The following RAPGEF2 variants were observed in gnomAD, a reference collection of about 807,000 sequenced individuals.
The protein encoded by RAPGEF2 is Rap guanine nucleotide exchange factor 2.
RAPGEF2 carries 54 observed loss-of-function variants against 186.7 expected under a neutral mutation model. The observed-to-expected ratio is 0.29, with a 90% CI of 0.23 to 0.36. The LOEUF is 0.36. Ranked by LOEUF, RAPGEF2 falls within the 10% of genes least tolerant of loss-of-function variation. The pLI, the probability that RAPGEF2 is intolerant of heterozygous loss-of-function variation, is 1.00. For missense variants in RAPGEF2, 1,532 were observed against 2,045.0 expected (o/e 0.75, Z 4.84); for synonymous variants, 712 against 705.9 (o/e 1.01, Z -0.14).
At chr4:159,161,400 T>TA (rs1744688972) in intron 1 of RAPGEF2, among the ~76,000 whole-genome samples, 1 of 152,220 alleles carries the variant, frequency 6.6e-6, no homozygotes, top group Non-Finnish European at 1.5e-5. Flanking sequence ...TGCGAAGTGT[T>TA]ACTTAATTGA....
intron 1 of RAPGEF2, among the ~76,000 whole-genome samples, chr4:159,144,905 T>TTTTG (rs70962658): frequency 8.2e-5 from 7 of 85,658 alleles, no homozygotes; most frequent in Admixed American, 2.5e-4. Flanking sequence ...TTTTTTTTTT[T>TTTTG]GAGACAGTGT....
At chr4:159,304,272 T>A in intron 7 of RAPGEF2, 70 bp from the exon 8 acceptor site, 1 of 1,394,138 alleles carries the variant, frequency 7.2e-7, no homozygotes, top group Non-Finnish European at 9.8e-7. Context: ...TATGATATTT[T>A]AATTTTAAAA....
rs1737419346 is a variant in RAPGEF2 at position 159,103,567 on chromosome 4, G to T, written c.-596G>T. 1.3e-5 allele frequency: 2 copies of T among 153,420 alleles called. No homozygotes were observed. The highest frequency in any genetic ancestry group is 1.8e-4 in the South Asian group (1 of 5,604). The allele number at this position is 153,420 out of a possible 1,614,324, so 9.5% of individuals were successfully genotyped here. ...CTTCGCAGCGCCCGGACCTGAGCCA[G>T]ACCCACCTGGTCCGTCCTCCCGACC... is the stretch of plus-strand genomic sequence containing the variant. On this transcript the variant is annotated 5_prime_UTR_variant, in exon 1 of 30. Coordinates refer to ENST00000691494, the MANE Select transcript of RAPGEF2 (RefSeq NM_001394067.2).
At chr4:159,181,880 C>T (rs527668319) in intron 1 of RAPGEF2, among the ~76,000 whole-genome samples, 21 of 152,250 alleles carry the variant, frequency 1.4e-4, no homozygotes, top group African/African-American at 5.1e-4. Flanking sequence ...CTTCAAGTAA[C>T]ATACAAATTC....
At chr4:159,115,807 C>A (rs1231881162) in intron 1 of RAPGEF2, among the ~76,000 whole-genome samples, 1 of 152,106 alleles carries the variant, frequency 6.6e-6, no homozygotes, top group Non-Finnish European at 1.5e-5. Context: ...TGATCTTTGA[C>A]AAACCTGACA....
At chr4:159,201,949 A>G (rs1395440057) in intron 3 of RAPGEF2, among the ~76,000 whole-genome samples, 1 of 152,098 alleles carries the variant, frequency 6.6e-6, no homozygotes, top group African/African-American at 2.4e-5. Flanking sequence ...TTTTCTCCAG[A>G]TGCCAACAGC....
chr4:159,320,203 T>A (rs554892431), intron 9 of RAPGEF2, among the ~76,000 whole-genome samples: 1 of 152,268 alleles, frequency 6.6e-6, no homozygotes, highest in Non-Finnish European at 1.5e-5. Context: ...GGGATGTGCT[T>A]CAGAGGACCA....
chr4:159,356,171 A>G lies in RAPGEF2; in HGVS notation c.4957+13A>G. On this transcript the variant is annotated intron_variant, in intron 29 of 29. Coordinates refer to ENST00000691494, the MANE Select transcript of RAPGEF2 (RefSeq NM_001394067.2). ...ACCGAGGAGGATGGTATATGCACAT[A>G]AATATTCCTAAAACCTCCAAGTTAG... is the stretch of plus-strand genomic sequence containing the variant. 1 of 1,604,824 alleles carries G rather than the reference A, an allele frequency of 6.2e-7. No homozygotes were observed. The highest frequency in any genetic ancestry group is 8.5e-7 in the Non-Finnish European group (1 of 1,173,128).
At chr4:159,182,221 G>T (rs1370866935) in intron 1 of RAPGEF2, among the ~76,000 whole-genome samples, 1 of 152,046 alleles carries the variant, frequency 6.6e-6, no homozygotes, top group Non-Finnish European at 1.5e-5. Flanking sequence ...TTATTTGAAA[G>T]TTGTCTATAT....
chr4:159,200,035 G>A (rs959609230), intron 3 of RAPGEF2, among the ~76,000 whole-genome samples: 3 of 150,348 alleles, frequency 2.0e-5, no homozygotes, highest in Admixed American at 1.3e-4. Flanking sequence ...CTGACTCATC[G>A]ATTTGATGTA....
At chr4:159,123,058 T>C (rs1465896326) in intron 1 of RAPGEF2, among the ~76,000 whole-genome samples, 1 of 152,216 alleles carries the variant, frequency 6.6e-6, no homozygotes, top group Non-Finnish European at 1.5e-5. Flanking sequence ...TTCCTTTCTT[T>C]AGCTTATTTG....
intron 4 of RAPGEF2, among the ~76,000 whole-genome samples, chr4:159,226,873 C>G (rs1304634181): frequency 1.3e-5 from 2 of 152,076 alleles, no homozygotes; most frequent in Non-Finnish European, 2.9e-5. Context: ...TGAGAAAAGT[C>G]CACATTTAAT....
chr4:159,300,665 G>A (rs1291824967), intron 7 of RAPGEF2, among the ~76,000 whole-genome samples: 3 of 152,022 alleles, frequency 2.0e-5, no homozygotes, highest in South Asian at 4.2e-4. Context: ...TGTTATAAAT[G>A]GTGGCTACAG....
intron 1 of RAPGEF2, among the ~76,000 whole-genome samples, chr4:159,115,412 GC>G (rs1738938377): frequency 6.6e-6 from 1 of 152,134 alleles, no homozygotes; most frequent in South Asian, 2.1e-4. Context: ...AAAGAAAAGA[GC>G]AGGCCAGGTT....
At chr4:159,334,134 G>A (rs1767074418) in intron 17 of RAPGEF2, among the ~76,000 whole-genome samples, 1 of 152,154 alleles carries the variant, frequency 6.6e-6, no homozygotes, top group African/African-American at 2.4e-5. Flanking sequence ...AGAGACAATG[G>A]ATTAGGGCAC....
Position 159,238,858 on chromosome 4 carries a change from G to C in RAPGEF2, c.331G>C (p.Val111Leu), listed in dbSNP as rs762048491. 6.6e-7 allele frequency: 1 copy of C among 1,520,958 alleles called. No individual in the cohort carries two copies. Among genetic ancestry groups the C allele is most frequent in the South Asian group, 1.2e-5 (1 of 80,340 alleles). 94.2% of individuals were successfully genotyped at this position (1,520,958 alleles called of 1,614,324 possible). A position where few individuals can be genotyped will look rare whatever the true frequency, so the allele number is the denominator to read the frequency against. The stretch of plus-strand genomic sequence containing the variant: ...TTTTAGGCGTGGCTGTGAATGCATT[G>C]TTTTAGAGCCTTCTGAAATGATTGT... Reference protein sequence around the residue: ...GSFRRGCECIVLEPSEMIVVD... With the variant: ...GSFRRGCECILLEPSEMIVVD... Residue 111 changes from valine to leucine, a missense_variant, in exon 5 of 30, where the codon GTT becomes CTT. Val to Leu is a conservative substitution (Grantham distance 32). Transcript: ENST00000691494.
At chr4:159,356,463 G>T (rs759241312) in intron 29 of RAPGEF2, among the ~76,000 whole-genome samples, 3 of 151,142 alleles carry the variant, frequency 2.0e-5, no homozygotes, top group South Asian at 2.1e-4. Context: ...ATTGCTTTCT[G>T]TGTGTCTGTG....
intron 1 of RAPGEF2, among the ~76,000 whole-genome samples, chr4:159,133,460 G>A (rs957955998): frequency 6.6e-6 from 1 of 150,980 alleles, no homozygotes; most frequent in Non-Finnish European, 1.5e-5. Flanking sequence ...TTCCCAGGCT[G>A]GAGTGTAGTG....
At chr4:159,181,133 GA>G (rs2111276357) in intron 1 of RAPGEF2, among the ~76,000 whole-genome samples, 1 of 152,308 alleles carries the variant, frequency 6.6e-6, no homozygotes, top group South Asian at 2.1e-4. Flanking sequence ...AAAAGCAACA[GA>G]TTAATAAAGT....
Sources: gnomAD v4.1 joint callset for allele counts (sites outside exome capture counted in the v4.1 genomes callset) on GRCh38, gnomAD v4.1.1 for gene constraint, MANE v1.5 for transcripts, NCBI Gene and HGNC (gene_info 2026-07-23, HGNC 2026-07-21) for gene names.